CALN1: variants seen among roughly 807,000 people sequenced by gnomAD.
CALN1 encodes the protein calcium-binding protein 8.
A neutral mutation model predicts 30.6 loss-of-function variants in CALN1; 17 were observed. The ratio of observed to expected loss-of-function variants is 0.56; its 90% CI spans 0.38 to 0.83. The LOEUF is 0.83. CALN1 is among the 40% of genes least tolerant of loss of function. The pLI, the probability that CALN1 is intolerant of heterozygous loss-of-function variation, is 0.00. For missense variants in CALN1, 291 were observed against 354.9 expected (o/e 0.82, Z 1.45); for synonymous variants, 156 against 131.4 (o/e 1.19, Z -1.28).
At chr7:72,334,139 G>GA (rs1373973363) in intron 2 of CALN1, among the ~76,000 whole-genome samples, 2 of 152,300 alleles carry the variant, frequency 1.3e-5, no homozygotes, top group Admixed American at 6.5e-5. Flanking sequence ...TCAAAGGTGT[G>GA]AAAGGGTCTG....
At chr7:72,249,484 A>T (rs1278356677) in intron 3 of CALN1, among the ~76,000 whole-genome samples, 3 of 150,326 alleles carry the variant, frequency 2.0e-5, no homozygotes, top group Non-Finnish European at 4.4e-5. Flanking sequence ...TTTCCCCCAG[A>T]TCTATCCACA....
chr7:72,483,527 C>G, the CALN1 span, among the ~76,000 whole-genome samples: 3 of 152,028 alleles, frequency 2.0e-5, no homozygotes, highest in Non-Finnish European at 4.4e-5. Context: ...TCAGGTGATC[C>G]ACCTGCCTTG....
At chr7:72,457,008 T>C in the CALN1 span, among the ~76,000 whole-genome samples, 23 of 140,874 alleles carry the variant, frequency 1.6e-4, no homozygotes, top group South Asian at 4.5e-4. Flanking sequence ...TTCTTTCTTT[T>C]TTTTTTTTTT....
At chr7:72,467,777 G>A in the CALN1 span, among the ~76,000 whole-genome samples, 3 of 152,114 alleles carry the variant, frequency 2.0e-5, no homozygotes, top group Admixed American at 2.0e-4. Flanking sequence ...CCATCTTAAA[G>A]TGAATAACTT....
chr7:72,272,214 A>G (rs1270704148), intron 3 of CALN1, among the ~76,000 whole-genome samples: 1 of 152,170 alleles, frequency 6.6e-6, no homozygotes, highest in East Asian at 1.9e-4. Context: ...CTGGTATTCT[A>G]TTCCCATACT....
chr7:72,494,419 C>T, the CALN1 span, among the ~76,000 whole-genome samples: 1 of 152,220 alleles, frequency 6.6e-6, no homozygotes, highest in Non-Finnish European at 1.5e-5. Context: ...CCACGCCGTG[C>T]CAGGCACTGT....
chr7:72,201,481 C>G (rs1454106263), intron 3 of CALN1, among the ~76,000 whole-genome samples: 1 of 151,840 alleles, frequency 6.6e-6, no homozygotes, highest in Non-Finnish European at 1.5e-5. Context: ...ATCCCAGCTA[C>G]TCGGGAGGCT....
intron 1 of CALN1, among the ~76,000 whole-genome samples, chr7:72,438,272 C>A (rs1055148597): frequency 6.6e-6 from 1 of 151,912 alleles, no homozygotes; most frequent in African/African-American, 2.4e-5. Context: ...GCACCACTAT[C>A]CCTGGCTCAT....
intron 5 of CALN1, among the ~76,000 whole-genome samples, chr7:71,929,118 A>T (rs1033888201): frequency 1.3e-5 from 2 of 152,078 alleles, no homozygotes; most frequent in Non-Finnish European, 2.9e-5. Context: ...CATTTTTTTA[A>T]TATTTATTTT....
At chr7:72,175,441 G>A (rs760794893) in intron 3 of CALN1, among the ~76,000 whole-genome samples, 76 of 152,088 alleles carry the variant, frequency 5.0e-4, no homozygotes, top group Admixed American at 2.0e-4. Flanking sequence ...TCTGAGACAC[G>A]AGTGAAGATT....
intron 3 of CALN1, among the ~76,000 whole-genome samples, chr7:72,205,770 A>G (rs1024092794): frequency 2.1e-4 from 32 of 151,524 alleles, no homozygotes; most frequent in African/African-American, 7.7e-4. Flanking sequence ...GTTTATATGT[A>G]TTTAACCTAC....
At chr7:71,866,249 C>T (rs781174757) in intron 5 of CALN1, among the ~76,000 whole-genome samples, 2 of 152,178 alleles carry the variant, frequency 1.3e-5, no homozygotes, top group Middle Eastern at 3.4e-3. Flanking sequence ...CCTCGTGATC[C>T]ACCCGCCTCA....
rs1802490729 is a variant in CALN1 at position 72,343,802 on chromosome 7, A to G, written c.119+59449T>C. The stretch of plus-strand genomic sequence containing the variant: ...CTGTTTCTCTGCTGGGTTAGAAAGG[A>G]CTACTGTTTCTCATTGTGGTGTCTC... On this transcript the variant is annotated intron_variant, in intron 2 of 6. Coordinates refer to ENST00000395275, the MANE Select transcript of CALN1 (RefSeq NM_031468.4). 2.0e-5 allele frequency among the ~76,000 whole-genome samples: 3 copies of G among 152,158 alleles called. No homozygotes were observed. The South Asian group carries it at 6.2e-4, about 32-fold the overall frequency.
intron 3 of CALN1, among the ~76,000 whole-genome samples, chr7:72,272,181 C>A (rs1045160958): frequency 6.6e-6 from 1 of 151,968 alleles, no homozygotes; most frequent in Non-Finnish European, 1.5e-5. Context: ...TAAAATGGAA[C>A]CCCAGGTTCA....
intron 2 of CALN1, among the ~76,000 whole-genome samples, chr7:72,398,425 G>GA (rs1196447121): frequency 6.6e-6 from 1 of 152,060 alleles, no homozygotes; most frequent in Non-Finnish European, 1.5e-5. Flanking sequence ...TTCAAAATAC[G>GA]AAAAAACACT....
chr7:71,823,485 C>T (rs1002843370), intron 5 of CALN1, among the ~76,000 whole-genome samples: 1 of 152,158 alleles, frequency 6.6e-6, no homozygotes, highest in Non-Finnish European at 1.5e-5. Flanking sequence ...TTTGGGTGGC[C>T]AAGGCAGGCG....
chr7:72,022,641 G>C (rs1035069420), intron 5 of CALN1, among the ~76,000 whole-genome samples: 2 of 152,142 alleles, frequency 1.3e-5, no homozygotes, highest in African/African-American at 4.8e-5. Context: ...CGATCCTCCT[G>C]TCTTGGCCTC....
chr7:71,959,505 T>G (rs750859922), intron 5 of CALN1, among the ~76,000 whole-genome samples: 2 of 152,186 alleles, frequency 1.3e-5, no homozygotes, highest in East Asian at 3.9e-4. Context: ...TCCCAGAGCA[T>G]AGAGCATAGG....
chr7:71,925,611 A>G (rs895726407), intron 5 of CALN1, among the ~76,000 whole-genome samples: 8 of 151,792 alleles, frequency 5.3e-5, no homozygotes, highest in Admixed American at 4.6e-4. Context: ...CTTTAATTTT[A>G]AAAATATAGA....
Sources: gnomAD v4.1 joint callset for allele counts (sites outside exome capture counted in the v4.1 genomes callset) on GRCh38, gnomAD v4.1.1 for gene constraint, MANE v1.5 for transcripts, NCBI Gene and HGNC (gene_info 2026-07-23, HGNC 2026-07-21) for gene names.